Variants in RAD18 observed in about 807,000 individuals in gnomAD.
The protein encoded by RAD18 is RAD18 E3 ubiquitin protein ligase.
In RAD18, 47 loss-of-function variants were observed where a neutral mutation model predicts 60.4. The observed-to-expected ratio is 0.78, with a 90% CI of 0.62 to 0.99. The LOEUF is 0.99. Ranked by LOEUF, RAD18 falls within the 50% of genes least tolerant of loss-of-function variation. The pLI is 0.00. For missense variants in RAD18, 640 were observed against 593.3 expected (o/e 1.08, Z -0.82); for synonymous variants, 225 against 195.5 (o/e 1.15, Z -1.26).
At chr3:8,908,847 G>A (rs1940058901) in intron 9 of RAD18, among the ~76,000 whole-genome samples, 1 of 152,216 alleles carries the variant, frequency 6.6e-6, no homozygotes, top group African/African-American at 2.4e-5. Flanking sequence ...CTTCTTGTCT[G>A]TCTTGTTCAT....
At chr3:8,889,583 G>A (rs1234992786) in intron 12 of RAD18, among the ~76,000 whole-genome samples, 3 of 152,128 alleles carry the variant, frequency 2.0e-5, no homozygotes, top group Admixed American at 2.0e-4. Flanking sequence ...TAAACTAGAT[G>A]AAAAAATAAA....
intron 7 of RAD18, among the ~76,000 whole-genome samples, chr3:8,933,373 C>A (rs917790464): frequency 2.0e-5 from 3 of 152,076 alleles, no homozygotes; most frequent in African/African-American, 4.8e-5. Context: ...AGGAAATGTT[C>A]TACATTTCAG....
Position 8,963,382 on chromosome 3 carries a change from C to T in RAD18, c.4G>A (p.Asp2Asn). The T allele has an allele frequency of 1.2e-6, 2 of 1,606,134 alleles. No homozygotes were observed. The highest frequency in any genetic ancestry group is 1.7e-6 in the Non-Finnish European group (2 of 1,176,264). The change falls in exon 1 of 13, where the codon GAC becomes AAC. Residue 2 changes from aspartate (D) to asparagine (N), a missense_variant. Physicochemically the swap from Asp to Asn is conservative, Grantham distance 23. Transcript: ENST00000264926. The stretch of plus-strand genomic sequence containing the variant: ...GGCCACCGAGACTCGGCCAGGGAGT[C>T]CATGGTCGCTCCCGAGGATGCTGGG... Reference protein sequence around the residue: MDSLAESRWPPG... With the variant: MNSLAESRWPPG...
At chr3:8,896,580 T>C (rs1939788183) in intron 11 of RAD18, among the ~76,000 whole-genome samples, 1 of 152,228 alleles carries the variant, frequency 6.6e-6, no homozygotes. Flanking sequence ...GCTCTTGCTG[T>C]CCTTTCTACC....
rs1939383729 is a variant in RAD18, at chr3:8,877,604, T to C, written c.*3753A>G. 2 of 152,216 alleles carry C rather than the reference T, an allele frequency of 1.3e-5. No homozygotes were observed. The allele number at this position is 152,216 out of a possible 1,614,324, so 9.4% of individuals were successfully genotyped here. ...TATAGGCAAAAACAAAATCCGTCCA[T>C]TGCATGTTTGATAGTGCCATGAACC... is the stretch of plus-strand genomic sequence containing the variant. On this transcript the variant is annotated 3_prime_UTR_variant, in exon 13 of 13. Coordinates refer to ENST00000264926, the MANE Select transcript of RAD18 (RefSeq NM_020165.4).
At chr3:8,902,661 G>A in intron 9 of RAD18, 141 bp from the exon 10 acceptor site, 1 of 778,194 alleles carries the variant, frequency 1.3e-6, no homozygotes, top group Non-Finnish European at 1.9e-6. Flanking sequence ...GGAGCCTGAA[G>A]TGAATGGATC....
At chr3:8,903,212 G>A (rs920172406) in intron 9 of RAD18, among the ~76,000 whole-genome samples, 1 of 152,064 alleles carries the variant, frequency 6.6e-6, no homozygotes, top group African/African-American at 2.4e-5. Context: ...GATATTCCTA[G>A]TTAGCTACTC....
chr3:8,916,239 G>T (rs1575544661), intron 7 of RAD18, among the ~76,000 whole-genome samples: 1 of 152,286 alleles, frequency 6.6e-6, no homozygotes, highest in Non-Finnish European at 1.5e-5. Context: ...TGAGAGAGGG[G>T]CAGGATCGCT....
chr3:8,898,620 ACTGT>A (rs1056845285), intron 11 of RAD18, among the ~76,000 whole-genome samples: 31 of 152,142 alleles, frequency 2.0e-4, no homozygotes, highest in African/African-American at 6.7e-4. Context: ...CAAAAATTTC[ACTGT>A]CTATCATGCT....
chr3:8,916,703 T>A (rs407176), intron 7 of RAD18, among the ~76,000 whole-genome samples: 93,353 of 151,674 alleles, frequency 0.62, 30,780 homozygotes, highest in Middle Eastern at 0.73. Context: ...TATAGACACA[T>A]AAAACCAACA....
chr3:8,922,408 T>C (rs1940338935), intron 7 of RAD18, among the ~76,000 whole-genome samples: 1 of 151,620 alleles, frequency 6.6e-6, no homozygotes, highest in East Asian at 1.9e-4. Context: ...CTGCCATTGC[T>C]GGAGGCTGGG....
chr3:8,937,607 C>G (rs761891859), intron 6 of RAD18, among the ~76,000 whole-genome samples: 16 of 151,940 alleles, frequency 1.1e-4, no homozygotes, highest in South Asian at 2.1e-4. Flanking sequence ...TGACCTGACT[C>G]CGTGGCCAAG....
chr3:8,961,162 G>C (rs1375329885), intron 1 of RAD18, among the ~76,000 whole-genome samples: 1 of 152,176 alleles, frequency 6.6e-6, no homozygotes, highest in Non-Finnish European at 1.5e-5. Flanking sequence ...TGTGGAAGTT[G>C]ACACTACATC....
At chr3:8,916,181 G>A (rs535209620) in intron 7 of RAD18, among the ~76,000 whole-genome samples, 2 of 152,314 alleles carry the variant, frequency 1.3e-5, no homozygotes, top group South Asian at 4.1e-4. Flanking sequence ...AGGAGGATCA[G>A]GAAACCATTC....
At chr3:8,884,622 C>T (rs1939525348) in intron 12 of RAD18, among the ~76,000 whole-genome samples, 2 of 84,918 alleles carry the variant, frequency 2.4e-5, no homozygotes, top group African/African-American at 6.5e-5. Context: ...TAACAATTTT[C>T]AGTAATTTTT....
At chr3:8,881,802 C>G (rs946038048) in intron 12 of RAD18, among the ~76,000 whole-genome samples, 3 of 152,206 alleles carry the variant, frequency 2.0e-5, no homozygotes, top group African/African-American at 7.2e-5. Flanking sequence ...AATCTTAACT[C>G]TGTTTGATCC....
chr3:8,942,342 C>T (rs1940764659), intron 4 of RAD18, among the ~76,000 whole-genome samples: 1 of 152,186 alleles, frequency 6.6e-6, no homozygotes, highest in Admixed American at 6.6e-5. Flanking sequence ...GACATGCTGC[C>T]CGTCTTTTGT....
At chr3:8,887,992 G>A (rs1939601069) in intron 12 of RAD18, among the ~76,000 whole-genome samples, 1 of 152,110 alleles carries the variant, frequency 6.6e-6, no homozygotes, top group Non-Finnish European at 1.5e-5. Context: ...ATCATGCCAG[G>A]GCCAGGTTCT....
intron 2 of RAD18, 45 bp from the exon 3 acceptor site, chr3:8,948,615 A>G: frequency 3.4e-6 from 5 of 1,474,180 alleles, no homozygotes; most frequent in South Asian, 1.2e-5. Context: ...AGCTATATTA[A>G]TAATACAGGA....
Sources: allele counts gnomAD v4.1 joint callset (sites outside exome capture counted in the v4.1 genomes callset), GRCh38; gene constraint gnomAD v4.1.1; transcripts MANE v1.5; gene names NCBI Gene and HGNC (gene_info 2026-07-23, HGNC 2026-07-21).